Variants in NAV3 observed in about 807,000 individuals in gnomAD.
NAV3 encodes neuron navigator 3, also known as pore membrane and/or filament interacting like protein 1.
Under a neutral mutation model 244.7 loss-of-function variants are expected in NAV3, and 87 were observed. That is an observed-to-expected ratio of 0.36 (90% CI 0.30 to 0.42). The LOEUF (loss-of-function observed/expected upper bound fraction) is 0.42. Ranked by LOEUF, NAV3 falls within the 20% of genes least tolerant of loss-of-function variation. The pLI, the probability that NAV3 is intolerant of heterozygous loss-of-function variation, is 1.00. For synonymous variants in NAV3, 1,126 were observed against 1,042.2 expected (o/e 1.08, Z -1.55); for missense variants, 2,663 against 2,893.3 (o/e 0.92, Z 1.83).
At chr12:77,699,998 A>G (rs1875490425) in intron 2 of NAV3, among the ~76,000 whole-genome samples, 1 of 152,184 alleles carries the variant, frequency 6.6e-6, no homozygotes, top group Admixed American at 6.6e-5. Context: ...GTTTTGGCAC[A>G]GGCCTATAGT....
intron 2 of NAV3, among the ~76,000 whole-genome samples, chr12:77,755,611 C>T (rs148997534): frequency 0.022 from 846 of 37,828 alleles, 79 homozygotes; most frequent in South Asian, 0.053. Flanking sequence ...CCCTCCCTCC[C>T]TCCTTCCTTC....
At chr12:77,719,484 T>C (rs921674422) in intron 2 of NAV3, among the ~76,000 whole-genome samples, 2 of 152,090 alleles carry the variant, frequency 1.3e-5, no homozygotes, top group Non-Finnish European at 2.9e-5. Context: ...AATTATCTTA[T>C]ACACCTAGTA....
At chr12:77,988,705 C>T (rs2731416) in intron 5 of NAV3, among the ~76,000 whole-genome samples, 1 of 151,956 alleles carries the variant, frequency 6.6e-6, no homozygotes. Context: ...ATGCACTCTT[C>T]AATTCAGACA....
At chr12:78,189,835 G>A (rs1316916073) in intron 33 of NAV3, 149 bp from the exon 34 acceptor site, 8 of 607,704 alleles carry the variant, frequency 1.3e-5, no homozygotes, top group African/African-American at 3.7e-5. Context: ...AAATGGCAAC[G>A]CATATTTGTG....
chr12:78,134,133 C>A (rs1400083705), intron 18 of NAV3, among the ~76,000 whole-genome samples: 5 of 150,736 alleles, frequency 3.3e-5, no homozygotes, highest in Non-Finnish European at 4.5e-5. Context: ...TTGTTAAACA[C>A]CTTTGCATAG....
intron 1 of NAV3, among the ~76,000 whole-genome samples, chr12:77,865,215 C>G (rs1456954243): frequency 6.6e-6 from 1 of 151,962 alleles, no homozygotes; most frequent in African/African-American, 2.4e-5. Context: ...TTTCAGAACT[C>G]TTGTAGTTTA....
intron 20 of NAV3, among the ~76,000 whole-genome samples, 196 bp downstream of exon 20, chr12:78,140,530 C>T (rs918029505): frequency 1.3e-5 from 2 of 152,172 alleles, no homozygotes; most frequent in Non-Finnish European, 2.9e-5. Flanking sequence ...TGGTCACTTA[C>T]ATGTGCTTTC....
At chr12:77,575,483 C>T (rs1459679566) in intron 2 of NAV3, among the ~76,000 whole-genome samples, 1 of 152,088 alleles carries the variant, frequency 6.6e-6, no homozygotes, top group Non-Finnish European at 1.5e-5. Flanking sequence ...CTCAAACCAC[C>T]TGAATGCCCA....
intron 2 of NAV3, among the ~76,000 whole-genome samples, chr12:77,621,523 C>G (rs1467899208): frequency 6.7e-6 from 1 of 150,030 alleles, no homozygotes; most frequent in African/African-American, 2.5e-5. Context: ...CTCTGTTGCC[C>G]AGGCTGGAAT....
rs578110223 is a variant in NAV3, at chr12:77,904,648, T to A, written c.244-35671T>A. Among the ~76,000 whole-genome samples, 390 of 152,034 alleles carry A rather than the reference T, an allele frequency of 2.6e-3. 4 individuals are homozygous for A. The highest frequency in any genetic ancestry group is 0.015 in the East Asian group (76 of 5,164). On this transcript the variant is annotated intron_variant, in intron 1 of 39. Transcript: ENST00000397909. ...CCCTAAAACTTAAAGTATAATTTTT[T>A]AAAAAAAAGAAAAATGTGGTAAAGA...
chr12:78,087,406 A>G (rs944167811), intron 12 of NAV3, among the ~76,000 whole-genome samples: 3 of 152,048 alleles, frequency 2.0e-5, no homozygotes, highest in Non-Finnish European at 2.9e-5. Context: ...AGGAGTAGGG[A>G]AAATCACTGG....
At chr12:78,199,809 GT>G (rs1959448707) in intron 37 of NAV3, among the ~76,000 whole-genome samples, 1 of 151,928 alleles carries the variant, frequency 6.6e-6, no homozygotes, top group African/African-American at 2.4e-5. Flanking sequence ...GAAATGAATA[GT>G]ATCGATTTAG....
intron 13 of NAV3, among the ~76,000 whole-genome samples, chr12:78,117,158 CATATATATATATATATATAT>C (rs377148138): frequency 4.3e-5 from 3 of 70,370 alleles, no homozygotes; most frequent in South Asian, 1.0e-3. Context: ...ACAGAAGCAG[CATATATATATATATATATAT>C]ATATATATAT....
At chr12:77,620,523 T>C (rs909558334) in intron 2 of NAV3, among the ~76,000 whole-genome samples, 26 of 152,066 alleles carry the variant, frequency 1.7e-4, no homozygotes, top group African/African-American at 6.0e-4. Context: ...AGTGCAGTGG[T>C]GCGATCTCGG....
Position 77,966,333 on chromosome 12 carries a change from T to C in NAV3, c.487+32T>C, listed in dbSNP as rs541073055. 3.9e-6 allele frequency: 6 copies of C among 1,524,838 alleles called. No individual in the cohort carries two copies. The African/African-American group carries it at 4.1e-5, about 11-fold the overall frequency. 94.5% of individuals were successfully genotyped at this position (1,524,838 alleles called of 1,614,324 possible). ...AAAAGAATGACTGAATTGTCACAAA[T>C]GGCATCAATGTTTTTAAATTATTTT... On this transcript the variant is annotated intron_variant, in intron 4 of 39. Transcript: ENST00000397909.
chr12:78,210,273 A>T, intron 39 of NAV3, 125 bp from the exon 40 acceptor site: 1 of 1,444,490 alleles, frequency 6.9e-7, no homozygotes, highest in African/African-American at 1.4e-5. Flanking sequence ...AAAATCTAAA[A>T]TTATTTTCCC....
At chr12:77,747,414 T>A (rs559854781) in intron 2 of NAV3, among the ~76,000 whole-genome samples, 7 of 152,188 alleles carry the variant, frequency 4.6e-5, no homozygotes, top group South Asian at 2.1e-4. Context: ...GAGAAATAGG[T>A]ACACTTTTAC....
chr12:77,729,583 TGAA>T (rs1877033376), intron 2 of NAV3, among the ~76,000 whole-genome samples: 1 of 151,876 alleles, frequency 6.6e-6, no homozygotes, highest in African/African-American at 2.4e-5. Context: ...TATAACTAAC[TGAA>T]GAAGAAAGGT....
intron 2 of NAV3, among the ~76,000 whole-genome samples, chr12:77,710,488 CACTT>C (rs1218633468): frequency 6.6e-6 from 1 of 152,102 alleles, no homozygotes; most frequent in African/African-American, 2.4e-5. Context: ...TGTTGAAACT[CACTT>C]GTATTTTTTA....
Sources: allele counts gnomAD v4.1 joint callset (sites outside exome capture counted in the v4.1 genomes callset), GRCh38; gene constraint gnomAD v4.1.1; transcripts MANE v1.5; gene names NCBI Gene and HGNC (gene_info 2026-07-23, HGNC 2026-07-21).